The following SDC2 variants were observed in gnomAD, a reference collection of about 807,000 sequenced individuals.
SDC2 encodes syndecan-2.
SDC2 carries 13 observed loss-of-function variants against 22.2 expected under a neutral mutation model. That is an observed-to-expected ratio of 0.59 (90% confidence interval 0.38 to 0.93). SDC2 has a LOEUF of 0.93. Ranked by LOEUF, SDC2 falls within the 40% of genes least tolerant of loss-of-function variation. The probability of loss-of-function intolerance (pLI) is 0.00; values close to 1 mark genes in which losing one functional copy is unlikely to be tolerated. For missense variants in SDC2, 235 were observed against 246.8 expected (o/e 0.95, Z 0.32); for synonymous variants, 94 against 92.8 (o/e 1.01, Z -0.07).
chr8:96,526,050 G>A (rs763435208), intron 1 of SDC2, among the ~76,000 whole-genome samples: 34 of 152,094 alleles, frequency 2.2e-4, no homozygotes, highest in Admixed American at 9.8e-4. Flanking sequence ...AAGTTTAACC[G>A]TCAAATGGTA....
intron 1 of SDC2, among the ~76,000 whole-genome samples, chr8:96,552,701 G>A (rs1000479905): frequency 2.6e-5 from 4 of 152,112 alleles, no homozygotes; most frequent in Admixed American, 2.6e-4. Context: ...TGTAATTAAG[G>A]TCATTTTGTA....
At chr8:96,542,310 A>G (rs760888770) in intron 1 of SDC2, among the ~76,000 whole-genome samples, 5 of 152,148 alleles carry the variant, frequency 3.3e-5, no homozygotes, top group Non-Finnish European at 7.4e-5. Flanking sequence ...TTTATAGCCC[A>G]CATCATTTTT....
chr8:96,567,982 C>G (rs1586304386), intron 1 of SDC2, among the ~76,000 whole-genome samples: 1 of 152,310 alleles, frequency 6.6e-6, no homozygotes, highest in African/African-American at 2.4e-5. Context: ...CTGCTGCACA[C>G]TAGAAGGTCC....
At chr8:96,530,755 G>T (rs1305041115) in intron 1 of SDC2, among the ~76,000 whole-genome samples, 4 of 152,190 alleles carry the variant, frequency 2.6e-5, no homozygotes, top group African/African-American at 9.6e-5. Flanking sequence ...AAGATAATAA[G>T]AAATATTGTT....
At chr8:96,544,089 GCC>G (rs1813894186) in intron 1 of SDC2, among the ~76,000 whole-genome samples, 1 of 152,082 alleles carries the variant, frequency 6.6e-6, no homozygotes. Flanking sequence ...TAGATGTCTT[GCC>G]CAGTAAGTAT....
At chr8:96,524,683 G>A (rs1477102930) in intron 1 of SDC2, among the ~76,000 whole-genome samples, 1 of 152,114 alleles carries the variant, frequency 6.6e-6, no homozygotes, top group Admixed American at 6.5e-5. Flanking sequence ...ACCAGTGCCG[G>A]AAAGCTTATT....
intron 1 of SDC2, among the ~76,000 whole-genome samples, chr8:96,543,523 A>G (rs1813885482): frequency 6.6e-6 from 1 of 152,190 alleles, no homozygotes; most frequent in Non-Finnish European, 1.5e-5. Flanking sequence ...GTTATTTTGG[A>G]ATTTTTATAT....
In SDC2 at chr8:96,610,280, G is replaced by T. The variant is rs1454928373; in HGVS notation, c.*732G>T. 6.6e-6 allele frequency: 1 copy of T among 152,600 alleles called. No homozygotes were observed. Among genetic ancestry groups the T allele is most frequent in the Admixed American group, 6.5e-5 (1 of 15,268 alleles). The allele number at this position is 152,600 out of a possible 1,614,324, so 9.5% of individuals were successfully genotyped here. A position where few individuals can be genotyped will look rare whatever the true frequency, so the allele number is the denominator to read the frequency against. On this transcript the variant is annotated 3_prime_UTR_variant, in exon 5 of 5. Coordinates refer to ENST00000302190, the MANE Select transcript of SDC2 (RefSeq NM_002998.4). Reference sequence around the variant, plus strand: ...AGGATTTGATGTAAGTTACTGACAAGCCTCAGCAAACCCAAAGATGTTAAC... The same window carrying T: ...AGGATTTGATGTAAGTTACTGACAATCCTCAGCAAACCCAAAGATGTTAAC...
chr8:96,608,421 T>A lies in SDC2; in HGVS notation c.393T>A (p.Tyr131Ter). The A allele has an allele frequency of 6.2e-7, 1 of 1,613,964 alleles. No homozygotes were observed. The highest frequency in any genetic ancestry group is 8.5e-7 in the Non-Finnish European group (1 of 1,179,888). ...CAGCCGAAGAGGATACAAATGTGTA[T>A]ACTGAGAAACACTCAGACAGTCTGT... Reference protein sequence around the residue: ...MDPAEEDTNVYTEKHSDSLFK... With the variant: ...MDPAEEDTNV Residue 131 changes from tyrosine (Y) to a stop codon, truncating the protein, a stop_gained, in exon 4 of 5, where the codon TAT becomes TAA. Coordinates refer to ENST00000302190, the MANE Select transcript of SDC2 (RefSeq NM_002998.4). LOFTEE classifies it high-confidence loss of function.
intron 1 of SDC2, among the ~76,000 whole-genome samples, chr8:96,495,386 A>G (rs1262970593): frequency 6.6e-6 from 1 of 152,138 alleles, no homozygotes; most frequent in Non-Finnish European, 1.5e-5. Flanking sequence ...AGCGCCCTCT[A>G]AAGGGAACTG....
At chr8:96,607,416 C>G (rs1478886229) in intron 3 of SDC2, among the ~76,000 whole-genome samples, 1 of 152,124 alleles carries the variant, frequency 6.6e-6, no homozygotes, top group Non-Finnish European at 1.5e-5. Context: ...AGTGCTGTGA[C>G]ATGGAAAACA....
chr8:96,512,280 T>C (rs1365765542), intron 1 of SDC2, among the ~76,000 whole-genome samples: 1 of 152,212 alleles, frequency 6.6e-6, no homozygotes, highest in Non-Finnish European at 1.5e-5. Context: ...CTTTAGGTAT[T>C]GATGACAACC....
chr8:96,572,004 A>G (rs1430768340), intron 1 of SDC2, among the ~76,000 whole-genome samples: 1 of 152,176 alleles, frequency 6.6e-6, no homozygotes, highest in African/African-American at 2.4e-5. Context: ...AAGGGTTGTT[A>G]GGAAGGTAAA....
chr8:96,508,793 T>C (rs1032146070), intron 1 of SDC2, among the ~76,000 whole-genome samples: 2 of 142,170 alleles, frequency 1.4e-5, no homozygotes, highest in Non-Finnish European at 3.2e-5. Context: ...AGTCTTTCTA[T>C]GATACTGTAA....
chr8:96,556,036 A>T (rs1220425319), intron 1 of SDC2, among the ~76,000 whole-genome samples: 4 of 136,390 alleles, frequency 2.9e-5, no homozygotes, highest in East Asian at 4.6e-4. Context: ...TTAGAATATC[A>T]CACACACACA....
rs115309512 is a variant in SDC2 at position 96,606,624 on chromosome 8, G to A, written c.307-1711G>A. ...AGCAGTCAGAGGGAGATGGTGACCT[G>A]AAGTCAGACCAATTGAAATGGAACC... On this transcript the variant is annotated intron_variant, in intron 3 of 4. Coordinates refer to ENST00000302190, the MANE Select transcript of SDC2 (RefSeq NM_002998.4). Among the ~76,000 whole-genome samples the A allele has an allele frequency of 5.6e-3, 846 of 152,304 alleles. 12 individuals are homozygous for A. Among genetic ancestry groups the A allele is most frequent in the African/African-American group, 0.019 (787 of 41,566 alleles).
chr8:96,547,429 G>A (rs751136123), intron 1 of SDC2, among the ~76,000 whole-genome samples: 4 of 152,158 alleles, frequency 2.6e-5, no homozygotes, highest in African/African-American at 4.8e-5. Context: ...GACCACCTTC[G>A]CACCAACGCT....
intron 1 of SDC2, among the ~76,000 whole-genome samples, chr8:96,532,653 C>T (rs1813683569): frequency 6.6e-6 from 1 of 151,958 alleles, no homozygotes; most frequent in South Asian, 2.1e-4. Flanking sequence ...ATCACTGCCA[C>T]CCCCATCCCC....
intron 1 of SDC2, among the ~76,000 whole-genome samples, chr8:96,498,566 C>T (rs1336007389): frequency 1.3e-5 from 2 of 152,040 alleles, no homozygotes; most frequent in Admixed American, 6.5e-5. Flanking sequence ...AGCCACCTCA[C>T]TGCAACCACC....
Sources: gnomAD v4.1 joint callset for allele counts (sites outside exome capture counted in the v4.1 genomes callset) on GRCh38, gnomAD v4.1.1 for gene constraint, MANE v1.5 for transcripts, NCBI Gene and HGNC (gene_info 2026-07-23, HGNC 2026-07-21) for gene names.